The following HOATZ variants were observed in gnomAD, a reference collection of about 807,000 sequenced individuals.
HOATZ encodes the protein cilia- and flagella-associated protein HOATZ.
Under a neutral mutation model 24.9 loss-of-function variants are expected in HOATZ, and 26 were observed. That is an observed-to-expected ratio of 1.04 (90% confidence interval 0.76 to 1.45). The LOEUF is 1.45. HOATZ is among the 40% of genes most tolerant of loss of function. HOATZ has a pLI of 0.00. For synonymous variants in HOATZ, 83 were observed against 76.6 expected, an observed-to-expected ratio of 1.08 and a Z score of -0.43; for missense variants, 226 against 201.5, an observed-to-expected ratio of 1.12 and a Z score of -0.74.
intron 3 of HOATZ, among the ~76,000 whole-genome samples, chr11:111,516,728 A>C (rs1346244861): frequency 6.6e-6 from 1 of 152,126 alleles, no homozygotes; most frequent in Non-Finnish European, 1.5e-5. Flanking sequence ...AAAAAAAATC[A>C]TAAGAACAGG....
chr11:111,516,983 A>G (rs1184768356), intron 3 of HOATZ, among the ~76,000 whole-genome samples: 1 of 152,198 alleles, frequency 6.6e-6, no homozygotes. Flanking sequence ...TGTATAAATT[A>G]TACTCCTGTA....
intron 3 of HOATZ, chr11:111,519,104 G>A (rs1287390377): frequency 4.5e-6 from 2 of 448,620 alleles, no homozygotes; most frequent in East Asian, 7.0e-5. Flanking sequence ...TTGAGCAAGT[G>A]GTTTAACTCC....
intron 4 of HOATZ, among the ~76,000 whole-genome samples, chr11:111,534,206 G>A (rs1230227604): frequency 2.0e-5 from 3 of 152,090 alleles, no homozygotes; most frequent in African/African-American, 7.2e-5. Flanking sequence ...GTAAACTTGT[G>A]GATGCACAAA....
intron 1 of HOATZ, 74 bp from the exon 2 acceptor site, chr11:111,515,437 T>G: frequency 1.7e-6 from 2 of 1,173,992 alleles, no homozygotes; most frequent in Non-Finnish European, 2.6e-6. Context: ...ATTGTTATAG[T>G]ATAAAAAATT....
chr11:111,524,513 C>A (rs1354889170), intron 3 of HOATZ, among the ~76,000 whole-genome samples: 1 of 152,186 alleles, frequency 6.6e-6, no homozygotes, highest in Non-Finnish European at 1.5e-5. Context: ...GAAATTGAGA[C>A]TAGGAATTGG....
At chr11:111,531,678 T>C (rs1175798319) in intron 3 of HOATZ, among the ~76,000 whole-genome samples, 1 of 152,206 alleles carries the variant, frequency 6.6e-6, no homozygotes, top group Non-Finnish European at 1.5e-5. Flanking sequence ...TGATATATGA[T>C]GCCTAAAGCT....
chr11:111,526,600 C>G (rs1867341563), intron 3 of HOATZ: 2 of 148,810 alleles, frequency 1.3e-5, no homozygotes, highest in Admixed American at 1.4e-4. Context: ...AGATGAAGAT[C>G]AGGTTTGGGG....
At chr11:111,515,105 T>C in intron 1 of HOATZ, 95 bp downstream of exon 1, 1 of 796,926 alleles carries the variant, frequency 1.3e-6, no homozygotes, top group Non-Finnish European at 2.1e-6. Context: ...TGCAATGGTA[T>C]ATACAAATAG....
intron 5 of HOATZ, 156 bp downstream of exon 5, chr11:111,534,620 C>A: frequency 1.5e-6 from 1 of 663,854 alleles, no homozygotes; most frequent in Non-Finnish European, 2.7e-6. Flanking sequence ...CTTCTCCGCA[C>A]AGCTATTAAA....
intron 3 of HOATZ, among the ~76,000 whole-genome samples, chr11:111,529,235 A>T (rs1267366651): frequency 6.6e-6 from 1 of 152,190 alleles, no homozygotes; most frequent in Admixed American, 6.5e-5. Flanking sequence ...CTTTGACTAA[A>T]AGGGTAACTC....
In HOATZ at chr11:111,534,616, C is replaced by T. The variant is rs537105149; in HGVS notation, c.452+152C>T. 54 of 670,066 alleles carry T rather than the reference C, an allele frequency of 8.1e-5. 1 individual carries two copies. The highest frequency in any genetic ancestry group is 4.8e-4 in the East Asian group (19 of 39,260). 41.5% of individuals were successfully genotyped at this position (670,066 alleles called of 1,614,324 possible). On this transcript the variant is annotated intron_variant, in intron 5 of 5. Coordinates refer to ENST00000375618, the MANE Select transcript of HOATZ (RefSeq NM_001100388.2). The stretch of plus-strand genomic sequence containing the variant: ...CTTGCCTTGAATAAACTTTCTTCTC[C>T]GCACAGCTATTAAAGCCTGTGTACG...
chr11:111,516,822 TA>T (rs1280764377), intron 3 of HOATZ, among the ~76,000 whole-genome samples: 1 of 152,238 alleles, frequency 6.6e-6, no homozygotes, highest in African/African-American at 2.4e-5. Flanking sequence ...CTGTTTTGAC[TA>T]AAGGCTGGAA....
chr11:111,536,772 A>G lies in HOATZ; in HGVS notation c.455A>G (p.Lys152Arg). The change falls in exon 6 of 6, where the codon AAA becomes AGA. Residue 152 changes from lysine to arginine, a missense_variant and splice_region_variant. Lys to Arg is a conservative substitution (Grantham distance 26). Transcript: ENST00000375618. ...KPKAKEHKAK[K>R]VVSESDKEDQ... ...CTGACTGATATTACTACCAACAGGA[A>G]AGTGGTATCAGAGTCAGATAAAGAG... The G allele has an allele frequency of 6.2e-7, 1 of 1,612,236 alleles. No homozygotes were observed.
rs187548398 is a variant in HOATZ, at chr11:111,534,584, C to A, written c.452+120C>A. 115 of 784,044 alleles carry A rather than the reference C, an allele frequency of 1.5e-4. 1 individual carries two copies. In the African/African-American group the frequency reaches 1.6e-3, roughly 11 times the overall value. The allele number at this position is 784,044 out of a possible 1,614,324, so 48.6% of individuals were successfully genotyped here. On this transcript the variant is annotated intron_variant, in intron 5 of 5. Coordinates refer to ENST00000375618, the MANE Select transcript of HOATZ (RefSeq NM_001100388.2). ...CTTCTAGAAACCCACCCGTGTATTA[C>A]AGATTTCTTGCCTTGAATAAACTTT...
intron 3 of HOATZ, among the ~76,000 whole-genome samples, chr11:111,523,976 T>C (rs746395864): frequency 7.2e-5 from 11 of 152,182 alleles, no homozygotes; most frequent in Non-Finnish European, 1.6e-4. Flanking sequence ...TCCTGTAGCT[T>C]CCAAGTTTCT....
intron 5 of HOATZ, chr11:111,535,890 C>G (rs1472527417): frequency 6.6e-6 from 1 of 152,146 alleles, no homozygotes; most frequent in African/African-American, 2.4e-5. Flanking sequence ...AACTCCTGCT[C>G]GTGATCCACC....
At chr11:111,522,945 C>T (rs1276805112) in intron 3 of HOATZ, among the ~76,000 whole-genome samples, 3 of 152,144 alleles carry the variant, frequency 2.0e-5, no homozygotes, top group Admixed American at 6.5e-5. Flanking sequence ...ATTAGCTGGG[C>T]GTGGTGGTGC....
Position 111,515,391 on chromosome 11 carries a change from C to G in HOATZ, c.227-120C>G, listed in dbSNP as rs1591553087. 13 of 761,844 alleles carry G rather than the reference C, an allele frequency of 1.7e-5. No individual in the cohort carries two copies. In the East Asian group the frequency reaches 3.2e-4, roughly 19 times the overall value. The allele number at this position is 761,844 out of a possible 1,614,324, so 47.2% of individuals were successfully genotyped here. A position where few individuals can be genotyped will look rare whatever the true frequency, so the allele number is the denominator to read the frequency against. On this transcript the variant is annotated intron_variant, in intron 1 of 5. Coordinates refer to ENST00000375618, the MANE Select transcript of HOATZ (RefSeq NM_001100388.2). ...CAATGAACTTCCTGGACCTGTGAGC[C>G]CTTAGTGAGGCCTAGGATGTGGAAA...
chr11:111,517,428 G>T (rs1056703342), intron 3 of HOATZ, among the ~76,000 whole-genome samples: 1 of 152,184 alleles, frequency 6.6e-6, no homozygotes, highest in East Asian at 1.9e-4. Context: ...AAGACAATAT[G>T]ATGTGAATTA....
Sources: gnomAD v4.1 joint callset for allele counts (sites outside exome capture counted in the v4.1 genomes callset) on GRCh38, gnomAD v4.1.1 for gene constraint, MANE v1.5 for transcripts, NCBI Gene and HGNC (gene_info 2026-07-23, HGNC 2026-07-21) for gene names.